The following ITGB8 variants were observed in gnomAD, a reference collection of about 807,000 sequenced individuals.
ITGB8 encodes integrin beta-8.
ITGB8 carries 30 observed loss-of-function variants against 89.5 expected under a neutral mutation model. The ratio of observed to expected loss-of-function variants is 0.34; its 90% CI spans 0.25 to 0.45. ITGB8 has a LOEUF of 0.45. Ranked by LOEUF, ITGB8 falls within the 20% of genes least tolerant of loss-of-function variation. The pLI is 1.00. For missense variants in ITGB8, 836 were observed against 933.3 expected (o/e 0.90, Z 1.36); for synonymous variants, 335 against 320.4 (o/e 1.05, Z -0.49).
At chr7:20,356,457 C>T (rs1280988548) in intron 1 of ITGB8, among the ~76,000 whole-genome samples, 1 of 152,112 alleles carries the variant, frequency 6.6e-6, no homozygotes, top group African/African-American at 2.4e-5. Context: ...TAAGCATGCT[C>T]AATTCGTCTG....
chr7:20,394,925 T>C lies in ITGB8; in HGVS notation c.1086T>C (p.Ile362=). 6.2e-7 allele frequency: 1 copy of C among 1,613,440 alleles called. No homozygotes were observed. The highest frequency in any genetic ancestry group is 8.5e-7 in the Non-Finnish European group (1 of 1,179,364). ...TTCTACCCCTCTTGCCAGGCACCAT[T>C]GCTGGTGAAATAGAATCAAAGGCTG... ...KDLLPLLPGT[I]AGEIESKAAN... Residue 362 remains isoleucine (I), a synonymous_variant, in exon 8 of 14, where the codon ATT becomes ATC. Transcript: ENST00000222573.
Position 20,331,705 on chromosome 7 carries a change from C to A in ITGB8, c.-102C>A. On this transcript the variant is annotated 5_prime_UTR_variant, in exon 1 of 14. Transcript: ENST00000222573. ...GCCTGCTAGGCCTGCGGAAAACGTC[C>A]TAGCGACACTCGGCCCGCGGGCCCC... 7.2e-7 allele frequency: 1 copy of A among 1,384,634 alleles called. No individual in the cohort carries two copies. Among genetic ancestry groups the A allele is most frequent in the Non-Finnish European group, 9.6e-7 (1 of 1,046,532 alleles). The allele number at this position is 1,384,634 out of a possible 1,614,324, so 85.8% of individuals were successfully genotyped here.
intron 3 of ITGB8, among the ~76,000 whole-genome samples, chr7:20,370,622 T>TTATTAG (rs1281831944): frequency 6.7e-6 from 1 of 150,232 alleles, no homozygotes; most frequent in Non-Finnish European, 1.5e-5. Flanking sequence ...ATTATTATTA[T>TTATTAG]TATTTTGAGA....
At chr7:20,346,400 G>A (rs1332652994) in intron 1 of ITGB8, among the ~76,000 whole-genome samples, 2 of 152,212 alleles carry the variant, frequency 1.3e-5, no homozygotes, top group African/African-American at 4.8e-5. Flanking sequence ...AGAGGGCTGT[G>A]CAGAGCCTTC....
intron 3 of ITGB8, 61 bp from the exon 4 acceptor site, chr7:20,378,990 A>G (rs929970850): frequency 9.4e-6 from 13 of 1,377,980 alleles, no homozygotes; most frequent in Non-Finnish European, 1.3e-5. Flanking sequence ...TAATTTATTA[A>G]GAGCTTATCC....
At chr7:20,386,822 G>A (rs534648495) in intron 6 of ITGB8, among the ~76,000 whole-genome samples, 6 of 152,024 alleles carry the variant, frequency 3.9e-5, no homozygotes, top group Non-Finnish European at 8.8e-5. Context: ...TTATAGAATG[G>A]AATATTCTCA....
At chr7:20,344,725 C>G (rs1420298674) in intron 1 of ITGB8, among the ~76,000 whole-genome samples, 1 of 152,060 alleles carries the variant, frequency 6.6e-6, no homozygotes, top group Non-Finnish European at 1.5e-5. Flanking sequence ...CGAGAGTTGA[C>G]CAAGAGAAGG....
intron 1 of ITGB8, among the ~76,000 whole-genome samples, chr7:20,339,858 T>G (rs1784696297): frequency 1.3e-5 from 2 of 152,096 alleles, no homozygotes; most frequent in Admixed American, 1.3e-4. Flanking sequence ...TGAAACCCTG[T>G]CTCTACTAAA....
chr7:20,364,117 C>T (rs55690213), intron 2 of ITGB8, among the ~76,000 whole-genome samples: 12,179 of 152,092 alleles, frequency 0.08, 609 homozygotes, highest in East Asian at 0.19. Flanking sequence ...CCAAGAGAAA[C>T]GAATCCTAAT....
intron 1 of ITGB8, among the ~76,000 whole-genome samples, chr7:20,347,113 G>A (rs748586078): frequency 5.9e-5 from 9 of 152,106 alleles, no homozygotes; most frequent in Non-Finnish European, 1.3e-4. Context: ...AGGCTCCCTC[G>A]CCATACCACC....
Position 20,382,044 on chromosome 7 carries a change from A to C in ITGB8, c.960+159A>C, listed in dbSNP as rs533218111. On this transcript the variant is annotated intron_variant, in intron 6 of 13. Coordinates refer to ENST00000222573, the MANE Select transcript of ITGB8 (RefSeq NM_002214.3). ...GAGAATTTATGGAACAGTGCAATCT[A>C]TAAATACTGATCAATAAAATATATG... 7 of 543,786 alleles carry C rather than the reference A, an allele frequency of 1.3e-5. No individual in the cohort carries two copies. The South Asian group carries it at 2.2e-4, about 17-fold the overall frequency. 33.7% of individuals were successfully genotyped at this position (543,786 alleles called of 1,614,324 possible). A position where few individuals can be genotyped will look rare whatever the true frequency, so the allele number is the denominator to read the frequency against.
chr7:20,330,315 G>C (rs537815511), upstream of ITGB8, among the ~76,000 whole-genome samples: 4 of 152,354 alleles, frequency 2.6e-5, no homozygotes, highest in African/African-American at 9.6e-5. Flanking sequence ...AGTAGAGGGC[G>C]TTGGGGGCAG....
At position 20,379,095 on chromosome 7, in the gene ITGB8, T is replaced by C. The variant is rs1249150331; in HGVS notation, c.433T>C (p.Tyr145His). 4 of 1,598,970 alleles carry C rather than the reference T, an allele frequency of 2.5e-6. No homozygotes were observed. The South Asian group carries it at 4.5e-5, about 18-fold the overall frequency. Residue 145 changes from tyrosine (Y) to histidine (H), a missense_variant, in exon 4 of 14, where the codon TAT (tyrosine) becomes CAT (histidine). Tyr to His is a moderately conservative substitution (Grantham distance 83). Coordinates refer to ENST00000222573, the MANE Select transcript of ITGB8 (RefSeq NM_002214.3). ...GCTGAAAGTTCATCCTCTGAAGAAATATCCTGTGGATCTTTATTATCTTGT... is the reference window on the plus strand; with the variant it reads ...GCTGAAAGTTCATCCTCTGAAGAAACATCCTGTGGATCTTTATTATCTTGT... ...FMLKVHPLKK[Y>H]PVDLYYLVDV...
chr7:20,389,034 A>G (rs1007565253), intron 6 of ITGB8, among the ~76,000 whole-genome samples: 1 of 152,112 alleles, frequency 6.6e-6, no homozygotes, highest in African/African-American at 2.4e-5. Context: ...TATCCAGTCT[A>G]TCATTGATGG....
intron 1 of ITGB8, among the ~76,000 whole-genome samples, chr7:20,362,257 G>A (rs966101577): frequency 5.3e-5 from 8 of 152,112 alleles, no homozygotes; most frequent in African/African-American, 1.2e-4. Flanking sequence ...AAGAGAAAAC[G>A]GTTGGAATAT....
chr7:20,360,915 C>CTTTTTTTTTT (rs1167974755), intron 1 of ITGB8, among the ~76,000 whole-genome samples: 6 of 80,862 alleles, frequency 7.4e-5, no homozygotes, highest in East Asian at 3.9e-4. Context: ...CAACTGCAGT[C>CTTTTTTTTTT]TTTTTTTTTT....
At chr7:20,333,577 T>C (rs1450483250) in intron 1 of ITGB8, among the ~76,000 whole-genome samples, 4 of 150,788 alleles carry the variant, frequency 2.7e-5, no homozygotes, top group Middle Eastern at 3.2e-3. Context: ...TAAAGTACAT[T>C]TTTAAAAACC....
At chr7:20,370,599 A>ATTT (rs1179158099) in intron 3 of ITGB8, among the ~76,000 whole-genome samples, 1,593 of 131,710 alleles carry the variant, frequency 0.012, 36 homozygotes, top group African/African-American at 0.042. Context: ...TTATTTACTT[A>ATTT]TTTATTATTA....
chr7:20,344,542 G>C (rs1405106076), intron 1 of ITGB8, among the ~76,000 whole-genome samples: 2 of 152,212 alleles, frequency 1.3e-5, no homozygotes, highest in Non-Finnish European at 2.9e-5. Context: ...AGAAGTGTCA[G>C]TATTAATTTA....
Sources: allele counts gnomAD v4.1 joint callset (sites outside exome capture counted in the v4.1 genomes callset), GRCh38; gene constraint gnomAD v4.1.1; transcripts MANE v1.5; gene names NCBI Gene and HGNC (gene_info 2026-07-23, HGNC 2026-07-21).